SLC8A3: variants seen among roughly 807,000 people sequenced by gnomAD.
The protein encoded by SLC8A3 is sodium/calcium exchanger 3.
Under a neutral mutation model 65.4 loss-of-function variants are expected in SLC8A3, and 37 were observed. The observed-to-expected ratio is 0.57, with a 90% CI of 0.44 to 0.74. SLC8A3 has a LOEUF of 0.74. Ranked by LOEUF, SLC8A3 falls within the 30% of genes least tolerant of loss-of-function variation. The probability of loss-of-function intolerance (pLI) is 0.00; values close to 1 mark genes in which losing one functional copy is unlikely to be tolerated. For missense variants in SLC8A3, 1,112 were observed against 1,172.1 expected, an observed-to-expected ratio of 0.95 and a Z score of 0.75; for synonymous variants, 461 against 444.5, an observed-to-expected ratio of 1.04 and a Z score of -0.47.
chr14:70,161,924 AT>A (rs1896916406), intron 2 of SLC8A3, among the ~76,000 whole-genome samples: 1 of 152,202 alleles, frequency 6.6e-6, no homozygotes, highest in South Asian at 2.1e-4. Context: ...AATTTTTATT[AT>A]TTCATGGAAC....
intron 2 of SLC8A3, among the ~76,000 whole-genome samples, chr14:70,119,501 A>T (rs758657766): frequency 6.6e-6 from 1 of 152,194 alleles, no homozygotes; most frequent in Non-Finnish European, 1.5e-5. Flanking sequence ...ATCAGATTTT[A>T]TCCAGTTAAA....
chr14:70,055,853 A>G (rs1024605467), intron 3 of SLC8A3: 1 of 1,590,772 alleles, frequency 6.3e-7, no homozygotes, highest in Admixed American at 1.7e-5. Context: ...AAGAAAGAAA[A>G]GGAAAGAGCA....
At chr14:70,092,456 T>A (rs1050104549) in intron 2 of SLC8A3, among the ~76,000 whole-genome samples, 1 of 152,190 alleles carries the variant, frequency 6.6e-6, no homozygotes, top group Non-Finnish European at 1.5e-5. Context: ...CTTGTCCATG[T>A]CCATACCTCC....
chr14:70,084,243 G>A (rs575930655), intron 2 of SLC8A3, among the ~76,000 whole-genome samples: 1 of 152,300 alleles, frequency 6.6e-6, no homozygotes, highest in African/African-American at 2.4e-5. Flanking sequence ...TTTCCAAGAT[G>A]GAGGTGGTAT....
intron 2 of SLC8A3, among the ~76,000 whole-genome samples, chr14:70,120,408 C>G (rs56374433): frequency 0.12 from 17,572 of 152,204 alleles, 1,213 homozygotes; most frequent in Non-Finnish European, 0.16. Flanking sequence ...ATCCTACTTA[C>G]ACTAATCATC....
At chr14:70,054,053 T>C (rs1474633987) in intron 3 of SLC8A3, among the ~76,000 whole-genome samples, 5 of 152,134 alleles carry the variant, frequency 3.3e-5, no homozygotes, top group Non-Finnish European at 7.4e-5. Context: ...GATCTAGATA[T>C]TCAGACTGAC....
intron 2 of SLC8A3, among the ~76,000 whole-genome samples, chr14:70,151,400 C>T (rs1448363644): frequency 6.6e-6 from 1 of 152,096 alleles, no homozygotes; most frequent in African/African-American, 2.4e-5. Context: ...ATTTATTTTT[C>T]AACCCTCATC....
chr14:70,079,204 C>A (rs1566763285), intron 2 of SLC8A3, among the ~76,000 whole-genome samples: 2 of 151,946 alleles, frequency 1.3e-5, no homozygotes. Flanking sequence ...TTGAATGAGG[C>A]TAGGCACGGT....
intron 2 of SLC8A3, among the ~76,000 whole-genome samples, chr14:70,156,378 A>G (rs537184516): frequency 4.6e-5 from 7 of 152,150 alleles, no homozygotes; most frequent in African/African-American, 1.7e-4. Context: ...TGAAATGGAG[A>G]CTCCTAGTTT....
intron 2 of SLC8A3, among the ~76,000 whole-genome samples, chr14:70,144,625 A>G (rs1229783572): frequency 2.9e-5 from 2 of 69,316 alleles, no homozygotes; most frequent in African/African-American, 1.3e-4. Context: ...GCGAGACTCC[A>G]CCTAAAAAAA....
chr14:70,065,666 G>T (rs1430209796), intron 2 of SLC8A3, among the ~76,000 whole-genome samples: 1 of 152,208 alleles, frequency 6.6e-6, no homozygotes, highest in East Asian at 1.9e-4. Context: ...GGCAGGGTTT[G>T]TGTTCCCTAT....
chr14:70,162,180 G>T (rs540058610), intron 2 of SLC8A3, among the ~76,000 whole-genome samples: 8 of 152,152 alleles, frequency 5.3e-5, no homozygotes, highest in Non-Finnish European at 5.9e-5. Flanking sequence ...CCCAAGAATT[G>T]CCATATTCTT....
intron 2 of SLC8A3, among the ~76,000 whole-genome samples, chr14:70,159,525 A>C (rs929621166): frequency 3.3e-5 from 5 of 152,172 alleles, no homozygotes; most frequent in Admixed American, 2.0e-4. Context: ...GACAGGGCCT[A>C]GCTAAAGGGT....
chr14:70,100,485 A>AT (rs1174877409), intron 2 of SLC8A3, among the ~76,000 whole-genome samples: 4 of 152,194 alleles, frequency 2.6e-5, no homozygotes, highest in Admixed American at 6.5e-5. Flanking sequence ...TTTAAGATGC[A>AT]TTTTTGCAAT....
At chr14:70,071,273 G>T (rs1457764461) in intron 2 of SLC8A3, among the ~76,000 whole-genome samples, 1 of 152,158 alleles carries the variant, frequency 6.6e-6, no homozygotes, top group East Asian at 1.9e-4. Flanking sequence ...CTGTAAATGT[G>T]CTGTTATCAC....
At position 70,179,977 on chromosome 14, in the gene SLC8A3, C is replaced by T. The variant is rs79198433; in HGVS notation, c.-63+8402G>A. On this transcript the variant is annotated intron_variant, in intron 1 of 6. Transcript: ENST00000356921. ...AGCAGGCTGAAGGAGTGTGTCATGT[C>T]GGGAAGGACCAAGAGGAAGCATCCC... Among the ~76,000 whole-genome samples, 982 of 152,228 alleles carry T rather than the reference C, an allele frequency of 6.5e-3. 8 individuals carry two copies. The highest frequency in any genetic ancestry group is 0.022 in the African/African-American group (913 of 41,524).
chr14:70,049,211 A>G (rs755586490), intron 5 of SLC8A3, among the ~76,000 whole-genome samples, 169 bp from the exon 6 acceptor site: 1 of 152,242 alleles, frequency 6.6e-6, no homozygotes, highest in South Asian at 2.1e-4. Flanking sequence ...ATAGTGGGGA[A>G]ACAATTTGGG....
At chr14:70,147,604 C>T (rs1246362701) in intron 2 of SLC8A3, among the ~76,000 whole-genome samples, 3 of 152,174 alleles carry the variant, frequency 2.0e-5, no homozygotes, top group African/African-American at 7.2e-5. Flanking sequence ...CCTGAGTGGA[C>T]CTGACCTAAT....
chr14:70,168,330 C>T lies in SLC8A3; in HGVS notation c.93G>A (p.Glu31=). ...FVLFLNGLRA[E]AGGSGDVPST... is the part of the protein sequence containing the mutation. ...TTGGCACGTCCCCTGAGCCACCAGC[C>T]TCTGCTCGAAGACCATTCAGGAAGA... is the stretch of plus-strand genomic sequence containing the variant. The change falls in exon 2 of 7, where the codon GAG becomes GAA. Residue 31 remains glutamate (E), a synonymous_variant. Coordinates refer to ENST00000356921, the MANE Select transcript of SLC8A3 (RefSeq NM_182932.3). 1.2e-6 allele frequency: 2 copies of T among 1,614,156 alleles called. No homozygotes were observed. The highest frequency in any genetic ancestry group is 1.7e-6 in the Non-Finnish European group (2 of 1,180,024).
Sources: gnomAD v4.1 joint callset for allele counts (sites outside exome capture counted in the v4.1 genomes callset) on GRCh38, gnomAD v4.1.1 for gene constraint, MANE v1.5 for transcripts, NCBI Gene and HGNC (gene_info 2026-07-23, HGNC 2026-07-21) for gene names.